Variants in BCLAF3 observed in about 807,000 individuals in gnomAD.
BCLAF3 encodes transient octamer binding factor 1.
In BCLAF3, 24 loss-of-function variants were observed where a neutral mutation model predicts 51.2. The ratio of observed to expected loss-of-function variants is 0.47; its 90% CI spans 0.34 to 0.66. The LOEUF is 0.66. Among genes scored for constraint, BCLAF3 ranks in the 30% least tolerant of loss-of-function variants. BCLAF3 has a pLI of 0.01. For missense variants in BCLAF3, 465 were observed against 525.1 expected, an observed-to-expected ratio of 0.89 and a Z score of 1.12; for synonymous variants, 152 against 176.6, an observed-to-expected ratio of 0.86 and a Z score of 1.10.
chrX:19,953,778 CT>C lies in BCLAF3; in HGVS notation c.1564del (p.Arg522GlyfsTer3). ...GTATAATATGGTAATCAATCATTAC[CT>C]GTGTATTTCTGGATCTGAATTCAAT... Reference protein sequence around the residue: ...IPLNSDPEIHRRIDMSLAELQ... With the variant: ...IPLNSDPEIHXRIDMSLAELQ... On this transcript the variant is annotated frameshift_variant and splice_region_variant, in exon 6 of 12. Coordinates refer to ENST00000379682, the MANE Select transcript of BCLAF3 (RefSeq NM_001367774.2). LOFTEE classifies it high-confidence loss of function. The C allele has an allele frequency of 8.5e-7, 1 of 1,171,935 alleles. No individual in the cohort carries two copies. Among genetic ancestry groups the C allele is most frequent in the Non-Finnish European group, 1.2e-6 (1 of 861,422 alleles).
At position 19,966,326 on chromosome X, in the gene BCLAF3, T is replaced by C. The variant is rs1569508110; in HGVS notation, c.365A>G (p.Tyr122Cys). The change falls in exon 3 of 12, where the codon TAC becomes TGC. Residue 122 changes from tyrosine to cysteine, a missense_variant. Transcript: ENST00000379682. ...YMPKYSEGIP[Y>C]KEHERNSYPQ... ...ATAAGAATTCCTTTCATGCTCTTTG[T>C]AGGGTATACCCTCTGAGTATTTGGG... The C allele has an allele frequency of 4.1e-6, 5 of 1,209,898 alleles. No homozygotes were observed. Among genetic ancestry groups the C allele is most frequent in the African/African-American group, 1.7e-5 (1 of 57,148 alleles).
chrX:19,925,105 C>G (rs755540455), intron 11 of BCLAF3, among the ~76,000 whole-genome samples: 1 of 111,681 alleles, frequency 9.0e-6, no homozygotes, highest in Non-Finnish European at 1.9e-5. Context: ...GCTTGGGAAT[C>G]TGACTACTTT....
Position 19,916,964 on chromosome X carries a change from A to C in BCLAF3, c.*341T>G, listed in dbSNP as rs1415827868. On this transcript the variant is annotated 3_prime_UTR_variant, in exon 12 of 12. Transcript: ENST00000379682. ...TGTTTTTGTTTTTATTATGTAAGCA[A>C]AACTTTCAACATATAAACGTCTGAA... 2 of 196,791 alleles carry C rather than the reference A, an allele frequency of 1.0e-5. No homozygotes were observed. The highest frequency in any genetic ancestry group is 6.1e-5 in the African/African-American group (2 of 33,020). The allele number at this position is 196,791 out of a possible 1,213,427, so 16.2% of individuals were successfully genotyped here.
chrX:19,954,922 A>G (rs115490330), intron 5 of BCLAF3, among the ~76,000 whole-genome samples: 2,993 of 112,003 alleles, frequency 0.027, 113 homozygotes, highest in African/African-American at 0.092. Context: ...GTTATAAAGA[A>G]TGCCAAAGCA....
chrX:19,977,389 T>C, intron 1 of BCLAF3, among the ~76,000 whole-genome samples: 1 of 112,290 alleles, frequency 8.9e-6, no homozygotes, highest in Non-Finnish European at 1.9e-5. Context: ...AATGAACACA[T>C]GAATAAGAAA....
intron 11 of BCLAF3, among the ~76,000 whole-genome samples, chrX:19,920,600 G>A (rs777918470): frequency 2.7e-5 from 3 of 110,921 alleles, no homozygotes; most frequent in Non-Finnish European, 5.7e-5. Context: ...TGGGTGGATC[G>A]CTTGAGCCCA....
chrX:19,919,660 CA>C (rs769107122), intron 11 of BCLAF3, among the ~76,000 whole-genome samples: 2 of 110,302 alleles, frequency 1.8e-5, no homozygotes, highest in South Asian at 7.8e-4. Context: ...AGTTTGAGAC[CA>C]GCCCGGACAA....
chrX:19,925,935 G>A (rs928178158), intron 11 of BCLAF3, among the ~76,000 whole-genome samples: 4 of 111,760 alleles, frequency 3.6e-5, no homozygotes, highest in Non-Finnish European at 7.5e-5. Context: ...TTTCTCTAAA[G>A]GTTAGGAGAG....
At chrX:19,936,604 T>C (rs990062707) in intron 9 of BCLAF3, among the ~76,000 whole-genome samples, 1 of 111,328 alleles carries the variant, frequency 9.0e-6, no homozygotes, top group African/African-American at 3.3e-5. Flanking sequence ...TCCCTTCGAG[T>C]GTCGGCAGGG....
chrX:19,982,853 T>C (rs894202771), intron 1 of BCLAF3, among the ~76,000 whole-genome samples: 1 of 110,023 alleles, frequency 9.1e-6, no homozygotes, highest in African/African-American at 3.3e-5. Flanking sequence ...GTGGGCTTAA[T>C]CCACCTATTA....
chrX:19,967,994 G>A (rs2072117088), intron 2 of BCLAF3, among the ~76,000 whole-genome samples: 1 of 112,290 alleles, frequency 8.9e-6, no homozygotes, highest in African/African-American at 3.2e-5. Flanking sequence ...GAGCCTCTGA[G>A]GACTTCCTGG....
chrX:19,969,232 T>A (rs768452704), intron 2 of BCLAF3, among the ~76,000 whole-genome samples: 1 of 113,186 alleles, frequency 8.8e-6, no homozygotes, highest in East Asian at 2.8e-4. Flanking sequence ...AAGTGGCTCC[T>A]GTGAATTACA....
rs191810586 is a variant in BCLAF3, at chrX:19,958,346, A to C, written c.1275-2780T>G. 2.0e-3 allele frequency among the ~76,000 whole-genome samples: 225 copies of C among 111,867 alleles called. 1 individual carries two copies. The highest frequency in any genetic ancestry group is 2.8e-3 in the Non-Finnish European group (149 of 53,157). On this transcript the variant is annotated intron_variant, in intron 4 of 11. Coordinates refer to ENST00000379682, the MANE Select transcript of BCLAF3 (RefSeq NM_001367774.2). Reference sequence around the variant, plus strand: ...CAACAAAAAACCCAACAACAACCAAAACCAACAGATTCCCCTGCCCTCTGG... The same window carrying C: ...CAACAAAAAACCCAACAACAACCAACACCAACAGATTCCCCTGCCCTCTGG...
At chrX:19,958,808 C>T (rs1474840943) in intron 4 of BCLAF3, among the ~76,000 whole-genome samples, 4 of 112,533 alleles carry the variant, frequency 3.6e-5, no homozygotes, top group Non-Finnish European at 7.5e-5. Flanking sequence ...TTGCACAATG[C>T]ATGACTGTAT....
chrX:19,988,166 C>T (rs1345986469), intron 1 of BCLAF3, among the ~76,000 whole-genome samples: 1 of 112,078 alleles, frequency 8.9e-6, no homozygotes. Context: ...GCACAAAGAC[C>T]ATGTTTTATT....
At chrX:19,956,306 T>C (rs145441221) in intron 4 of BCLAF3, among the ~76,000 whole-genome samples, 1,513 of 111,960 alleles carry the variant, frequency 0.014, 10 homozygotes, top group Middle Eastern at 0.018. Context: ...CTAATGGTTA[T>C]GATACAGAGC....
At chrX:19,934,525 C>T (rs933356552) in intron 10 of BCLAF3, among the ~76,000 whole-genome samples, 1 of 112,320 alleles carries the variant, frequency 8.9e-6, no homozygotes, top group Non-Finnish European at 1.9e-5. Flanking sequence ...GGTACATAAA[C>T]CATTGGCTAA....
intron 10 of BCLAF3, chrX:19,935,561 A>G: frequency 3.0e-6 from 1 of 331,644 alleles, no homozygotes; most frequent in Non-Finnish European, 5.3e-6. Flanking sequence ...TGTTTTATGT[A>G]TTTGTGTTTC....
intron 10 of BCLAF3, among the ~76,000 whole-genome samples, chrX:19,932,490 T>A (rs903620895): frequency 9.2e-6 from 1 of 108,431 alleles, no homozygotes; most frequent in Non-Finnish European, 1.9e-5. Context: ...AGGATCTGAA[T>A]AAATATTTAT....
Sources: gnomAD v4.1 joint callset for allele counts (sites outside exome capture counted in the v4.1 genomes callset) on GRCh38, gnomAD v4.1.1 for gene constraint, MANE v1.5 for transcripts, NCBI Gene and HGNC (gene_info 2026-07-23, HGNC 2026-07-21) for gene names.